The following IL1RAPL1 variants were observed in gnomAD, a reference collection of about 807,000 sequenced individuals.
The protein encoded by IL1RAPL1 is interleukin 1 receptor accessory protein like 1.
Under a neutral mutation model 48.4 loss-of-function variants are expected in IL1RAPL1, and 3 were observed. That is an observed-to-expected ratio of 0.06 (90% confidence interval 0.03 to 0.16). IL1RAPL1 has a LOEUF of 0.16. Among genes scored for constraint, IL1RAPL1 ranks in the 10% least tolerant of loss-of-function variants. IL1RAPL1 has a pLI of 1.00. For synonymous variants in IL1RAPL1, 185 were observed against 187.7 expected (o/e 0.99, Z 0.12); for missense variants, 349 against 530.6 (o/e 0.66, Z 3.36).
At chrX:29,302,721 C>A (rs7884180) in intron 3 of IL1RAPL1, among the ~76,000 whole-genome samples, 8,011 of 110,412 alleles carry the variant, frequency 0.073, 751 homozygotes, top group African/African-American at 0.25. Context: ...AGTTTTGGGG[C>A]GGTCATTTAG....
intron 5 of IL1RAPL1, among the ~76,000 whole-genome samples, chrX:29,400,745 T>G (rs974232211): frequency 5.3e-5 from 6 of 112,322 alleles, no homozygotes; most frequent in Admixed American, 9.4e-5. Context: ...TGAGTTTCTA[T>G]ACAATCAATT....
intron 2 of IL1RAPL1, among the ~76,000 whole-genome samples, chrX:28,961,062 A>T (rs115682551): frequency 9.9e-6 from 1 of 100,581 alleles, no homozygotes; most frequent in African/African-American, 3.7e-5. Context: ...GGAAATATTT[A>T]TGAAATCGGG....
At chrX:28,921,290 T>C (rs1923610799) in intron 2 of IL1RAPL1, among the ~76,000 whole-genome samples, 1 of 111,995 alleles carries the variant, frequency 8.9e-6, no homozygotes, top group African/African-American at 3.2e-5. Context: ...TTATATTAGA[T>C]GGCACATTAA....
chrX:29,215,748 T>C (rs1220170703), intron 2 of IL1RAPL1, among the ~76,000 whole-genome samples: 2 of 112,145 alleles, frequency 1.8e-5, no homozygotes, highest in Non-Finnish European at 3.8e-5. Context: ...CATGCTGATA[T>C]AGAGGATCAA....
chrX:29,870,298 G>A (rs2147208857), intron 6 of IL1RAPL1, among the ~76,000 whole-genome samples: 1 of 112,183 alleles, frequency 8.9e-6, no homozygotes, highest in African/African-American at 3.2e-5. Flanking sequence ...GCTGCCTGCA[G>A]CCAGGGGCAA....
chrX:28,910,776 A>G lies in IL1RAPL1; in HGVS notation c.82+121351A>G, dbSNP rs774100297. On this transcript the variant is annotated intron_variant, in intron 2 of 10. Transcript: ENST00000378993. ...AATAGATTTAGAGTAGCTGCATTAA[A>G]AAAAAAAACACGTGAGGTCTTTTTT... Among the ~76,000 whole-genome samples, 4 of 109,276 alleles carry G rather than the reference A, an allele frequency of 3.7e-5. No individual in the cohort carries two copies. The East Asian group carries it at 1.1e-3, about 31-fold the overall frequency. The allele number at this position is 109,276 out of a possible 115,157, so 94.9% of individuals were successfully genotyped here. A position where few individuals can be genotyped will look rare whatever the true frequency, so the allele number is the denominator to read the frequency against.
chrX:29,295,766 C>T (rs1034288203), intron 3 of IL1RAPL1, among the ~76,000 whole-genome samples: 5 of 111,228 alleles, frequency 4.5e-5, no homozygotes, highest in African/African-American at 9.8e-5. Flanking sequence ...ATCATATCTA[C>T]GCTATTACAA....
At chrX:29,459,317 G>A in intron 5 of IL1RAPL1, among the ~76,000 whole-genome samples, 1 of 111,939 alleles carries the variant, frequency 8.9e-6, no homozygotes, top group East Asian at 2.8e-4. Context: ...AGTGACTCTA[G>A]ATGAGTTAGG....
chrX:29,557,393 CAAAA>C (rs1922039254), intron 5 of IL1RAPL1, among the ~76,000 whole-genome samples: 1 of 111,225 alleles, frequency 9.0e-6, no homozygotes, highest in Admixed American at 9.6e-5. Flanking sequence ...GATGTAGTGA[CAAAA>C]AATTGTATGT....
At chrX:29,316,135 T>C in intron 3 of IL1RAPL1, among the ~76,000 whole-genome samples, 1 of 112,183 alleles carries the variant, frequency 8.9e-6, no homozygotes, top group Non-Finnish European at 1.9e-5. Context: ...GTCTCCTCCT[T>C]TGTATATGAC....
At chrX:29,112,168 C>T (rs984765029) in intron 2 of IL1RAPL1, among the ~76,000 whole-genome samples, 28 of 110,677 alleles carry the variant, frequency 2.5e-4, no homozygotes, top group Non-Finnish European at 4.0e-4. Context: ...CAAAGTGATC[C>T]GCCTGCCTCG....
chrX:29,065,070 G>A (rs968621213), intron 2 of IL1RAPL1, among the ~76,000 whole-genome samples: 2 of 110,949 alleles, frequency 1.8e-5, no homozygotes, highest in African/African-American at 6.5e-5. Flanking sequence ...TAATACATAA[G>A]TTATAGGTCC....
intron 2 of IL1RAPL1, among the ~76,000 whole-genome samples, chrX:28,870,268 A>G (rs1314797841): frequency 9.0e-6 from 1 of 111,269 alleles, no homozygotes; most frequent in Non-Finnish European, 1.9e-5. Context: ...TTGTTGGATT[A>G]TGTTTAATAT....
chrX:29,127,742 G>A (rs1326775266), intron 2 of IL1RAPL1, among the ~76,000 whole-genome samples: 2 of 111,402 alleles, frequency 1.8e-5, no homozygotes, highest in Non-Finnish European at 3.8e-5. Flanking sequence ...GGTGGATCAT[G>A]AGGTCAGGAG....
chrX:29,380,616 C>A (rs1378037248), intron 3 of IL1RAPL1, among the ~76,000 whole-genome samples: 3 of 112,195 alleles, frequency 2.7e-5, no homozygotes, highest in African/African-American at 9.7e-5. Flanking sequence ...GAATTTCTCA[C>A]CACTGGCCTA....
chrX:29,317,117 G>A (rs1932773376), intron 3 of IL1RAPL1, among the ~76,000 whole-genome samples: 1 of 111,151 alleles, frequency 9.0e-6, no homozygotes, highest in Non-Finnish European at 1.9e-5. Flanking sequence ...GTTTCCTAAG[G>A]GACCTAATTC....
intron 2 of IL1RAPL1, among the ~76,000 whole-genome samples, chrX:29,235,616 A>C (rs1787201108): frequency 8.9e-6 from 1 of 111,929 alleles, no homozygotes; most frequent in South Asian, 3.7e-4. Flanking sequence ...GGTGAGAGTT[A>C]ACAAATTATG....
chrX:28,695,994 G>C (rs1295252245), intron 1 of IL1RAPL1, among the ~76,000 whole-genome samples: 1 of 112,090 alleles, frequency 8.9e-6, no homozygotes, highest in African/African-American at 3.2e-5. Flanking sequence ...TCAGATGCTT[G>C]CATCAATCAG....
intron 6 of IL1RAPL1, among the ~76,000 whole-genome samples, chrX:29,805,865 A>G (rs1203792223): frequency 1.8e-5 from 2 of 110,181 alleles, no homozygotes. Context: ...GAAGTCTATT[A>G]TAGTCTTATA....
Sources: allele counts gnomAD v4.1 joint callset (sites outside exome capture counted in the v4.1 genomes callset), GRCh38; gene constraint gnomAD v4.1.1; transcripts MANE v1.5; gene names NCBI Gene and HGNC (gene_info 2026-07-23, HGNC 2026-07-21).